Variants in VGLL4 observed in about 807,000 individuals in gnomAD.
VGLL4 encodes the protein transcription cofactor vestigial-like protein 4.
Under a neutral mutation model 21.0 loss-of-function variants are expected in VGLL4, and 7 were observed. The ratio of observed to expected loss-of-function variants is 0.33; its 90% CI spans 0.19 to 0.63. VGLL4 has a LOEUF of 0.63. Among genes scored for constraint, VGLL4 ranks in the 20% least tolerant of loss-of-function variants. The pLI is 0.78. For synonymous variants in VGLL4, 222 were observed against 173.2 expected (o/e 1.28, Z -2.21); for missense variants, 394 against 425.7 (o/e 0.93, Z 0.66).
At chr3:11,635,013 A>G (rs2075560142) in intron 1 of VGLL4, among the ~76,000 whole-genome samples, 1 of 152,200 alleles carries the variant, frequency 6.6e-6, no homozygotes, top group South Asian at 2.1e-4. Context: ...AATTTTAAGA[A>G]TTTGTAAAAA....
In VGLL4 at chr3:11,558,190, G is replaced by T; in HGVS notation, c.*366C>A. 6.6e-6 allele frequency: 2 copies of T among 302,066 alleles called. No individual in the cohort carries two copies. Among genetic ancestry groups the T allele is most frequent in the Non-Finnish European group, 1.2e-5 (2 of 161,748 alleles). The allele number at this position is 302,066 out of a possible 1,614,324, so 18.7% of individuals were successfully genotyped here. A position where few individuals can be genotyped will look rare whatever the true frequency, so the allele number is the denominator to read the frequency against. ...CCGGTCTCAAGAAGCAAAGGAAAAAGCACAAAGCGTCTGAGTCACCAATTC... is the reference window on the plus strand; with the variant it reads ...CCGGTCTCAAGAAGCAAAGGAAAAATCACAAAGCGTCTGAGTCACCAATTC... On this transcript the variant is annotated 3_prime_UTR_variant, in exon 5 of 5. Transcript: ENST00000430365.
chr3:11,625,216 C>A (rs768062550), intron 1 of VGLL4, among the ~76,000 whole-genome samples: 1 of 152,184 alleles, frequency 6.6e-6, no homozygotes, highest in African/African-American at 2.4e-5. Flanking sequence ...CTCATAATAA[C>A]TAGATGTTAG....
chr3:11,597,891 T>C (rs2074686174), intron 2 of VGLL4, among the ~76,000 whole-genome samples: 1 of 152,136 alleles, frequency 6.6e-6, no homozygotes, highest in Admixed American at 6.5e-5. Context: ...TGAGTTCAAA[T>C]ACACCAGGTC....
In VGLL4 at chr3:11,702,970, C is replaced by A; in HGVS notation, c.64+1G>T. On this transcript the variant is annotated splice_donor_variant, in intron 2 of 5. Coordinates refer to the VGLL4 transcript ENST00000273038. LOFTEE classifies it high-confidence loss of function. Reference sequence around the variant, plus strand: ...TATTTTATAATAGACTCCTCACTTACGTTTTTCGTCATCAGCATGCACCAG... The same window carrying A: ...TATTTTATAATAGACTCCTCACTTAAGTTTTTCGTCATCAGCATGCACCAG... The A allele has an allele frequency of 1.2e-6, 2 of 1,610,874 alleles. No individual in the cohort carries two copies. Among genetic ancestry groups the A allele is most frequent in the South Asian group, 1.1e-5 (1 of 90,460 alleles).
At chr3:11,573,283 GAA>G (rs1240654646) in intron 2 of VGLL4, among the ~76,000 whole-genome samples, 8 of 13,500 alleles carry the variant, frequency 5.9e-4, no homozygotes, top group Non-Finnish European at 6.8e-4. Flanking sequence ...AAGAAAGAAA[GAA>G]AGAAAGAAAG....
In VGLL4 at chr3:11,557,960, A is replaced by G. The variant is rs892680444; in HGVS notation, c.*596T>C. ...AAAACAAAAACAGTAACAACAACAA[A>G]CACACAAATGGTCAGAAATGTCATC... is the stretch of plus-strand genomic sequence containing the variant. On this transcript the variant is annotated 3_prime_UTR_variant, in exon 5 of 5. Coordinates refer to ENST00000430365, the MANE Select transcript of VGLL4 (RefSeq NM_001128219.3). The G allele has an allele frequency of 1.3e-5, 2 of 150,158 alleles. No individual in the cohort carries two copies. Among genetic ancestry groups the G allele is most frequent in the Admixed American group, 6.5e-5 (1 of 15,398 alleles). 9.3% of individuals were successfully genotyped at this position (150,158 alleles called of 1,614,324 possible). A position where few individuals can be genotyped will look rare whatever the true frequency, so the allele number is the denominator to read the frequency against.
At chr3:11,560,116 ATCTC>A (rs1356898145) in intron 3 of VGLL4, among the ~76,000 whole-genome samples, 1 of 151,414 alleles carries the variant, frequency 6.6e-6, no homozygotes, top group African/African-American at 2.4e-5. Flanking sequence ...CCCTGTTCAG[ATCTC>A]TCTCTGAAGC....
Position 11,601,682 on chromosome 3 carries a change from T to C in VGLL4, c.272+151A>G, listed in dbSNP as rs559707595. 159 of 1,005,756 alleles carry C rather than the reference T, an allele frequency of 1.6e-4. 1 individual carries two copies. The highest frequency in any genetic ancestry group is 7.2e-4 in the South Asian group (47 of 65,562). The allele number at this position is 1,005,756 out of a possible 1,614,324, so 62.3% of individuals were successfully genotyped here. On this transcript the variant is annotated intron_variant, in intron 2 of 4. Transcript: ENST00000430365. Reference sequence around the variant, plus strand: ...TCAAAATGAGTTTACTACCTTCTTTTTGGCAGATGAATACTATTTTTCTTT... The same window carrying C: ...TCAAAATGAGTTTACTACCTTCTTTCTGGCAGATGAATACTATTTTTCTTT...
At chr3:11,681,175 G>A (rs9828047) in intron 2 of VGLL4, among the ~76,000 whole-genome samples, 6,844 of 152,254 alleles carry the variant, frequency 0.045, 509 homozygotes, top group African/African-American at 0.16. Flanking sequence ...TCCGCTCACT[G>A]CAAGCTCCGC....
At chr3:11,584,962 C>A (rs2074328453) in intron 2 of VGLL4, among the ~76,000 whole-genome samples, 1 of 152,090 alleles carries the variant, frequency 6.6e-6, no homozygotes, top group South Asian at 2.1e-4. Flanking sequence ...CTCCAAGTGT[C>A]ACAACTTGGT....
intron 2 of VGLL4, among the ~76,000 whole-genome samples, chr3:11,572,527 C>T (rs1194090999): frequency 1.3e-5 from 2 of 152,200 alleles, no homozygotes; most frequent in Admixed American, 6.5e-5. Flanking sequence ...CCAGGCCCTC[C>T]TCAGTCCCAT....
intron 2 of VGLL4, among the ~76,000 whole-genome samples, chr3:11,664,342 G>C (rs2076079080): frequency 6.6e-6 from 1 of 152,198 alleles, no homozygotes; most frequent in Admixed American, 6.5e-5. Flanking sequence ...ACTACTTTTG[G>C]ATAGGGAGGT....
At chr3:11,635,631 T>C (rs529190846) in intron 1 of VGLL4, among the ~76,000 whole-genome samples, 14 of 152,362 alleles carry the variant, frequency 9.2e-5, no homozygotes, top group African/African-American at 3.4e-4. Flanking sequence ...CTGTGAGTTC[T>C]GGAACTTTAC....
intron 2 of VGLL4, among the ~76,000 whole-genome samples, chr3:11,662,565 C>G (rs2076052374): frequency 6.6e-6 from 1 of 152,210 alleles, no homozygotes; most frequent in Non-Finnish European, 1.5e-5. Flanking sequence ...TCCCAATTCC[C>G]TTCTCCCACT....
chr3:11,664,501 G>A (rs554596778), intron 2 of VGLL4, among the ~76,000 whole-genome samples: 5 of 152,264 alleles, frequency 3.3e-5, no homozygotes, highest in South Asian at 4.1e-4. Context: ...CCAAAAATTC[G>A]CTACAGTCCT....
chr3:11,659,846 C>G lies in VGLL4; in HGVS notation c.64+43125G>C, dbSNP rs568808257. Reference sequence around the variant, plus strand: ...AACTGATTACTAAGAACAAGAGTTCCGTAAACTGTAAAACTATTTAAAATT... The same window carrying G: ...AACTGATTACTAAGAACAAGAGTTCGGTAAACTGTAAAACTATTTAAAATT... On this transcript the variant is annotated intron_variant, in intron 2 of 5. Transcript: ENST00000273038. 2.0e-4 allele frequency among the ~76,000 whole-genome samples: 30 copies of G among 152,228 alleles called. 1 individual carries two copies. The highest frequency in any genetic ancestry group is 7.2e-4 in the African/African-American group (30 of 41,534).
chr3:11,594,927 C>T (rs1459995610), intron 2 of VGLL4, among the ~76,000 whole-genome samples: 1 of 152,184 alleles, frequency 6.6e-6, no homozygotes, highest in Non-Finnish European at 1.5e-5. Flanking sequence ...TTTGGGAGGC[C>T]GAGGCGGGCG....
intron 1 of VGLL4, among the ~76,000 whole-genome samples, chr3:11,605,460 G>A (rs1428714189): frequency 6.6e-6 from 1 of 151,420 alleles, no homozygotes; most frequent in Non-Finnish European, 1.5e-5. Context: ...CTCTTTATGA[G>A]CCCTGAAAAT....
intron 2 of VGLL4, among the ~76,000 whole-genome samples, chr3:11,664,381 A>G (rs1438312187): frequency 6.6e-6 from 1 of 152,210 alleles, no homozygotes; most frequent in African/African-American, 2.4e-5. Context: ...TGGGGAGTCC[A>G]AAGACCTGGA....
Sources: gnomAD v4.1 joint callset for allele counts (sites outside exome capture counted in the v4.1 genomes callset) on GRCh38, gnomAD v4.1.1 for gene constraint, MANE v1.5 for transcripts, NCBI Gene and HGNC (gene_info 2026-07-23, HGNC 2026-07-21) for gene names.